The following CCDC51 variants were observed in gnomAD, a reference collection of about 807,000 sequenced individuals.
CCDC51 encodes the protein coiled-coil domain containing 51.
In CCDC51, 25 loss-of-function variants were observed where a neutral mutation model predicts 24.8. The ratio of observed to expected loss-of-function variants is 1.01; its 90% CI spans 0.73 to 1.41. CCDC51 has a LOEUF of 1.41. Among genes scored for constraint, CCDC51 ranks in the 40% most tolerant of loss-of-function variants. The pLI, the probability that CCDC51 is intolerant of heterozygous loss-of-function variation, is 0.00. For missense variants in CCDC51, 466 were observed against 519.1 expected (o/e 0.90, Z 0.99); for synonymous variants, 190 against 204.3 (o/e 0.93, Z 0.60).
At chr3:48,445,041 T>G (rs1341115382), upstream of CCDC51, 1 of 152,292 alleles carries the variant, frequency 6.6e-6, no homozygotes, top group Non-Finnish European at 1.5e-5. Flanking sequence ...GGTGTGGTGG[T>G]GCACTTCTGT....
chr3:48,446,635 T>A, the CCDC51 span: 1 of 502,804 alleles, frequency 2.0e-6, no homozygotes, highest in Non-Finnish European at 3.1e-6. Context: ...CGTGGACCTC[T>A]AAACACCGGG....
intron 1 of CCDC51, among the ~76,000 whole-genome samples, chr3:48,438,863 C>T (rs2039454706): frequency 6.6e-6 from 1 of 152,200 alleles, no homozygotes; most frequent in South Asian, 2.1e-4. Flanking sequence ...TTTCCATGGC[C>T]TACAGGGAAC....
chr3:48,444,796 T>C (rs974889804), upstream of CCDC51, among the ~76,000 whole-genome samples: 1 of 152,108 alleles, frequency 6.6e-6, no homozygotes, highest in Non-Finnish European at 1.5e-5. Context: ...GAAGTCCCCA[T>C]GCGCACCAAA....
Position 48,432,429 on chromosome 3 carries a change from G to A in CCDC51, c.1215C>T (p.Tyr405=), listed in dbSNP as rs546450425. 42 of 1,614,230 alleles carry A rather than the reference G, an allele frequency of 2.6e-5. No homozygotes were observed. In the South Asian group the frequency reaches 4.2e-4, roughly 16 times the overall value. ...VTFVATLPVL[Y]MLFKAS Reference sequence around the variant, plus strand: ...GGGGTTAGCTGGCTTTGAATAGCATGTAGAGCACAGGCAGTGTGGCCACAA... The same window carrying A: ...GGGGTTAGCTGGCTTTGAATAGCATATAGAGCACAGGCAGTGTGGCCACAA... Residue 405 remains tyrosine, a synonymous_variant, in exon 4 of 4, where the codon TAC becomes TAT. Transcript: ENST00000395694.
In CCDC51 at chr3:48,435,892, C is replaced by T. The variant is rs2039337779; in HGVS notation, c.-8-756G>A. 6.6e-6 allele frequency among the ~76,000 whole-genome samples: 1 copy of T among 152,228 alleles called. No homozygotes were observed. Among genetic ancestry groups the T allele is most frequent in the Non-Finnish European group, 1.5e-5 (1 of 68,044 alleles). On this transcript the variant is annotated intron_variant, in intron 1 of 3. Coordinates refer to ENST00000395694, the MANE Select transcript of CCDC51 (RefSeq NM_001256964.2). This position sits in a 1 kb window ranked among gnomAD's most constrained non-coding sequence, Gnocchi z 4.2. ...CTCTCAGTCTCACACTTCACGACTT[C>T]CATAAGCTTTCTCTTTCCTCTCCAA...
upstream of CCDC51, among the ~76,000 whole-genome samples, chr3:48,444,694 T>C (rs1180407053): frequency 6.6e-6 from 1 of 152,254 alleles, no homozygotes; most frequent in African/African-American, 2.4e-5. Flanking sequence ...CACTGGGGTA[T>C]GTAACGGAAC....
rs371226027 is a variant in CCDC51, at chr3:48,432,637, C to T, written c.1007G>A (p.Gly336Glu). ...TGCAGACTTTACAAGCTGAACCACC[C>T]CAGCCATTTGGCTACAAGTCTTTTC... is the stretch of plus-strand genomic sequence containing the variant. Reference protein sequence around the residue: ...GLEKTCSQMAGVVQLVKSAAH... With the variant: ...GLEKTCSQMAEVVQLVKSAAH... The change falls in exon 4 of 4, where the codon GGG becomes GAG. Residue 336 changes from glycine (G) to glutamate (E), a missense_variant. Coordinates refer to ENST00000395694, the MANE Select transcript of CCDC51 (RefSeq NM_001256964.2). The T allele has an allele frequency of 7.9e-5, 127 of 1,614,140 alleles. No homozygotes were observed. The highest frequency in any genetic ancestry group is 1.0e-4 in the Non-Finnish European group (123 of 1,180,058).
At chr3:48,442,641 G>A (rs538400346), upstream of CCDC51, among the ~76,000 whole-genome samples, 215 of 151,694 alleles carry the variant, frequency 1.4e-3, 3 homozygotes, top group African/African-American at 5.0e-3. Context: ...TAGTAGAGAC[G>A]GGGTTTCACC....
intron 1 of CCDC51, among the ~76,000 whole-genome samples, chr3:48,439,460 C>T (rs1300953364): frequency 6.6e-6 from 1 of 152,176 alleles, no homozygotes; most frequent in Non-Finnish European, 1.5e-5. Flanking sequence ...GGCGAAACCC[C>T]GTCTCTACTA....
At position 48,435,779 on chromosome 3, in the gene CCDC51, A is replaced by G. The variant is rs576809632; in HGVS notation, c.-8-643T>C. On this transcript the variant is annotated intron_variant, in intron 1 of 3. Transcript: ENST00000395694. This position sits in a 1 kb window ranked among gnomAD's most constrained non-coding sequence, Gnocchi z 4.2. ...CTCTAAGATAATTCCAGGGGCAAAA[A>G]AAAACAAAACAAAACTGTTTTTGCC... 2.0e-5 allele frequency among the ~76,000 whole-genome samples: 3 copies of G among 152,248 alleles called. No homozygotes were observed. The highest frequency in any genetic ancestry group is 1.3e-4 in the Admixed American group (2 of 15,292).
At position 48,435,007 on chromosome 3, in the gene CCDC51, G is replaced by A; in HGVS notation, c.122C>T (p.Pro41Leu). The A allele has an allele frequency of 1.2e-6, 2 of 1,614,224 alleles. No homozygotes were observed. Among genetic ancestry groups the A allele is most frequent in the South Asian group, 2.2e-5 (2 of 91,090 alleles). ...AGGTCTTTTCTCTCCGGGCTGGCTTGGGCCTGGGCTGCAGAGAGTCCTGGT... is the reference window on the plus strand; with the variant it reads ...AGGTCTTTTCTCTCCGGGCTGGCTTAGGCCTGGGCTGCAGAGAGTCCTGGT... ...FMTRTLCSPG[P>L]SQPGEKRPEE... The change falls in exon 2 of 4, where the codon CCA becomes CTA. Residue 41 changes from proline (P) to leucine (L), a missense_variant. Pro to Leu is a moderately conservative substitution (Grantham distance 98, BLOSUM62 -3). Coordinates refer to ENST00000395694, the MANE Select transcript of CCDC51 (RefSeq NM_001256964.2). This position sits in a 1 kb window ranked among gnomAD's most constrained non-coding sequence, Gnocchi z 4.2.
At position 48,440,103 on chromosome 3, in the gene CCDC51, G is replaced by A; in HGVS notation, c.-124C>T. The A allele has an allele frequency of 2.3e-6, 2 of 881,470 alleles. No individual in the cohort carries two copies. The highest frequency in any genetic ancestry group is 5.4e-5 in the East Asian group (2 of 37,322). The allele number at this position is 881,470 out of a possible 1,614,324, so 54.6% of individuals were successfully genotyped here. On this transcript the variant is annotated 5_prime_UTR_variant, in exon 1 of 4. Transcript: ENST00000395694. ...AACCCTAGCTCCTCGTACCTGGCGT[G>A]GCCCGACCAATCGTCTGCCACTCAG...
chr3:48,446,391 G>C, the CCDC51 span: 22,918 of 155,044 alleles, frequency 0.15, 2,020 homozygotes, highest in South Asian at 0.24. Flanking sequence ...TGGGTCTGGC[G>C]GCAGAAGGAA....
intron 2 of CCDC51, among the ~76,000 whole-genome samples, chr3:48,434,247 C>T (rs1043173218): frequency 1.3e-5 from 2 of 152,156 alleles, no homozygotes; most frequent in Non-Finnish European, 2.9e-5. Context: ...AGTTTATAAA[C>T]CCAGAAACAC....
chr3:48,446,626 G>C, the CCDC51 span: 2 of 453,196 alleles, frequency 4.4e-6, no homozygotes, highest in Non-Finnish European at 3.5e-6. Context: ...AATCCCGCCC[G>C]TGGACCTCTA....
At chr3:48,443,360 C>T (rs537820353), upstream of CCDC51, among the ~76,000 whole-genome samples, 1 of 151,192 alleles carries the variant, frequency 6.6e-6, no homozygotes, top group African/African-American at 2.4e-5. Context: ...CCAGCCTGAC[C>T]AATATGGTGA....
chr3:48,439,123 A>T (rs1412403010), intron 1 of CCDC51, among the ~76,000 whole-genome samples: 1 of 152,120 alleles, frequency 6.6e-6, no homozygotes, highest in Non-Finnish European at 1.5e-5. Context: ...CTCCCACCCT[A>T]GCACTCCTGA....
the CCDC51 span, among the ~76,000 whole-genome samples, chr3:48,445,973 G>T: frequency 2.0e-5 from 3 of 152,174 alleles, no homozygotes; most frequent in Non-Finnish European, 2.9e-5. Flanking sequence ...TGGCCTTTGT[G>T]TGGCCTCCCT....
At chr3:48,438,146 C>T (rs2039413991) in intron 1 of CCDC51, 1 of 152,142 alleles carries the variant, frequency 6.6e-6, no homozygotes, top group South Asian at 2.1e-4. Context: ...CACCCCGGCA[C>T]TCGGCACTCA....
Sources: allele counts gnomAD v4.1 joint callset (sites outside exome capture counted in the v4.1 genomes callset), GRCh38; gene constraint gnomAD v4.1.1; non-coding constraint Gnocchi (gnomAD v3.1); transcripts MANE v1.5; gene names NCBI Gene and HGNC (gene_info 2026-07-23, HGNC 2026-07-21).